SMAP1: variants seen among roughly 807,000 people sequenced by gnomAD.
SMAP1 encodes stromal membrane-associated protein 1.
SMAP1 carries 24 observed loss-of-function variants against 58.5 expected under a neutral mutation model. That is an observed-to-expected ratio of 0.41 (90% CI 0.30 to 0.58). SMAP1 has a LOEUF of 0.58. Among genes scored for constraint, SMAP1 ranks in the 20% least tolerant of loss-of-function variants. SMAP1 has a pLI of 0.29. For synonymous variants in SMAP1, 216 were observed against 196.6 expected (o/e 1.10, Z -0.82); for missense variants, 563 against 566.3 (o/e 0.99, Z 0.06).
chr6:70,749,155 G>A (rs1766170752), intron 2 of SMAP1, among the ~76,000 whole-genome samples: 1 of 152,158 alleles, frequency 6.6e-6, no homozygotes, highest in Non-Finnish European at 1.5e-5. Flanking sequence ...GGGAAAGCAA[G>A]GCACATCTTA....
At chr6:70,771,386 A>T (rs543252310) in intron 3 of SMAP1, among the ~76,000 whole-genome samples, 28 of 152,254 alleles carry the variant, frequency 1.8e-4, no homozygotes, top group Admixed American at 5.9e-4. Context: ...GGCCTCCTTG[A>T]GCTGTGGTGG....
intron 7 of SMAP1, chr6:70,837,683 C>G: frequency 2.4e-6 from 1 of 410,918 alleles, no homozygotes; most frequent in Non-Finnish European, 3.2e-6. Flanking sequence ...TTTTTTTTTA[C>G]ATTTTTTTCT....
intron 1 of SMAP1, among the ~76,000 whole-genome samples, chr6:70,701,473 A>C (rs915847564): frequency 3.9e-5 from 6 of 152,106 alleles, no homozygotes; most frequent in African/African-American, 1.4e-4. Flanking sequence ...CTGCCTTTCA[A>C]GTTTATTTAG....
At chr6:70,817,157 C>A (rs1299348980) in intron 6 of SMAP1, among the ~76,000 whole-genome samples, 1 of 148,222 alleles carries the variant, frequency 6.7e-6, no homozygotes, top group Non-Finnish European at 1.5e-5. Flanking sequence ...TTGCCATATT[C>A]TCTGCTTCTT....
At chr6:70,797,332 A>G (rs750491744) in intron 5 of SMAP1, among the ~76,000 whole-genome samples, 2 of 152,084 alleles carry the variant, frequency 1.3e-5, no homozygotes, top group Admixed American at 1.3e-4. Context: ...AATGCACATT[A>G]AATATATATC....
chr6:70,700,082 G>T (rs536889604), intron 1 of SMAP1, among the ~76,000 whole-genome samples: 2 of 152,168 alleles, frequency 1.3e-5, no homozygotes, highest in African/African-American at 4.8e-5. Context: ...TGGATTCCTC[G>T]TACCTTCGTG....
At chr6:70,768,085 A>G (rs144983801) in intron 3 of SMAP1, among the ~76,000 whole-genome samples, 1,733 of 152,270 alleles carry the variant, frequency 0.011, 38 homozygotes, top group African/African-American at 0.04. Context: ...CCAGCCTTAC[A>G]TCCCAGGGAT....
intron 5 of SMAP1, among the ~76,000 whole-genome samples, chr6:70,797,987 A>G (rs1410515013): frequency 3.3e-5 from 5 of 151,654 alleles, no homozygotes; most frequent in Admixed American, 1.3e-4. Context: ...AGTTTTTAAC[A>G]TTATATCTAA....
intron 9 of SMAP1, 154 bp downstream of exon 9, chr6:70,857,184 AT>A: frequency 1.5e-6 from 1 of 671,020 alleles, no homozygotes; most frequent in Non-Finnish European, 2.2e-6. Context: ...ATGAATGAGC[AT>A]TAGAATTAAA....
At chr6:70,833,806 C>T (rs1054412200) in intron 6 of SMAP1, among the ~76,000 whole-genome samples, 1 of 152,274 alleles carries the variant, frequency 6.6e-6, no homozygotes, top group South Asian at 2.1e-4. Flanking sequence ...AAAAAAGTTT[C>T]GTTGTGGCCC....
chr6:70,740,587 T>C (rs1203332797), intron 2 of SMAP1, among the ~76,000 whole-genome samples: 2 of 152,204 alleles, frequency 1.3e-5, no homozygotes, highest in Non-Finnish European at 2.9e-5. Context: ...CCTGTCCTGC[T>C]CAATTTTGAG....
intron 7 of SMAP1, among the ~76,000 whole-genome samples, chr6:70,848,492 A>G (rs1771070250): frequency 6.6e-6 from 1 of 152,156 alleles, no homozygotes; most frequent in African/African-American, 2.4e-5. Context: ...CTTTTGATGA[A>G]ATGTGGTTTA....
intron 6 of SMAP1, among the ~76,000 whole-genome samples, chr6:70,807,258 C>T (rs1047099996): frequency 6.6e-6 from 1 of 152,036 alleles, no homozygotes; most frequent in African/African-American, 2.4e-5. Flanking sequence ...TTGTAGTGTT[C>T]CAGAAACTAT....
chr6:70,835,085 T>TAA (rs371546229), intron 6 of SMAP1, among the ~76,000 whole-genome samples: 17 of 137,976 alleles, frequency 1.2e-4, no homozygotes, highest in East Asian at 2.2e-4. Context: ...CTGTTTCTAC[T>TAA]AAAAAAAAAA....
Position 70,861,050 on chromosome 6 carries a change from C to T in SMAP1, c.*716C>T, listed in dbSNP as rs1183262486. The T allele has an allele frequency of 4.4e-6, 1 of 226,176 alleles. No individual in the cohort carries two copies. The highest frequency in any genetic ancestry group is 8.6e-6 in the Non-Finnish European group (1 of 116,370). 14.0% of individuals were successfully genotyped at this position (226,176 alleles called of 1,614,324 possible). A position where few individuals can be genotyped will look rare whatever the true frequency, so the allele number is the denominator to read the frequency against. ...AGGGTAACTAACTAAAACAAAGCCACTTTCAATCTTCAATCCTTGAAGGTA... is the reference window on the plus strand; with the variant it reads ...AGGGTAACTAACTAAAACAAAGCCATTTTCAATCTTCAATCCTTGAAGGTA... On this transcript the variant is annotated 3_prime_UTR_variant, in exon 11 of 11. Transcript: ENST00000370455.
At chr6:70,766,887 A>G (rs1050819676) in intron 3 of SMAP1, among the ~76,000 whole-genome samples, 4 of 152,146 alleles carry the variant, frequency 2.6e-5, no homozygotes, top group South Asian at 2.1e-4. Flanking sequence ...TAGGTCTAAC[A>G]TTTAAGTCTT....
At chr6:70,848,432 C>G (rs778489866) in intron 7 of SMAP1, among the ~76,000 whole-genome samples, 21 of 152,056 alleles carry the variant, frequency 1.4e-4, no homozygotes, top group Non-Finnish European at 3.1e-4. Flanking sequence ...TTTTAATTTT[C>G]AGAACTTTAA....
At chr6:70,827,416 G>T (rs908732401) in intron 6 of SMAP1, among the ~76,000 whole-genome samples, 3 of 152,074 alleles carry the variant, frequency 2.0e-5, no homozygotes, top group African/African-American at 7.3e-5. Flanking sequence ...GATGACCAAA[G>T]GTCTGGTATG....
intron 4 of SMAP1, among the ~76,000 whole-genome samples, chr6:70,779,184 G>A (rs887465646): frequency 2.6e-5 from 4 of 152,166 alleles, no homozygotes; most frequent in African/African-American, 9.6e-5. Context: ...TCTTCTCCAG[G>A]GTGTAGGCTT....
Sources: allele counts gnomAD v4.1 joint callset (sites outside exome capture counted in the v4.1 genomes callset), GRCh38; gene constraint gnomAD v4.1.1; transcripts MANE v1.5; gene names NCBI Gene and HGNC (gene_info 2026-07-23, HGNC 2026-07-21).